Variants in SRGAP3 observed in about 807,000 individuals in gnomAD.
SRGAP3 encodes the protein SLIT-ROBO Rho GTPase activating protein 3.
Under a neutral mutation model 121.1 loss-of-function variants are expected in SRGAP3, and 39 were observed. The observed-to-expected ratio is 0.32, with a 90% CI of 0.25 to 0.42. The LOEUF is 0.42. SRGAP3 is among the 10% of genes least tolerant of loss of function. The pLI, the probability that SRGAP3 is intolerant of heterozygous loss-of-function variation, is 1.00. For missense variants in SRGAP3, 1,213 were observed against 1,470.6 expected, an observed-to-expected ratio of 0.82 and a Z score of 2.86; for synonymous variants, 601 against 570.0, an observed-to-expected ratio of 1.05 and a Z score of -0.77.
rs1452564912 is a variant in SRGAP3 at position 9,229,499 on chromosome 3, C to T, written c.67+19386G>A. On this transcript the variant is annotated intron_variant, in intron 1 of 21. Coordinates refer to ENST00000383836, the MANE Select transcript of SRGAP3 (RefSeq NM_014850.4). Reference sequence around the variant, plus strand: ...CTCCCTAGGCCAAAGGCGTTCTCCACGTGGAGAACAGCTCACCAGAATTCT... The same window carrying T: ...CTCCCTAGGCCAAAGGCGTTCTCCATGTGGAGAACAGCTCACCAGAATTCT... Among the ~76,000 whole-genome samples, 11 of 152,296 alleles carry T rather than the reference C, an allele frequency of 7.2e-5. No individual in the cohort carries two copies. The South Asian group carries it at 1.0e-3, about 14-fold the overall frequency.
intron 1 of SRGAP3, among the ~76,000 whole-genome samples, chr3:9,225,786 G>C (rs575001543): frequency 6.6e-6 from 1 of 152,294 alleles, no homozygotes; most frequent in African/African-American, 2.4e-5. Context: ...AGGTGACGCA[G>C]GCCAGGTAGG....
intron 18 of SRGAP3, chr3:9,007,946 C>A (rs1034698938): frequency 9.2e-5 from 14 of 152,174 alleles, no homozygotes; most frequent in Non-Finnish European, 1.9e-4. Flanking sequence ...CCAAAGAGTG[C>A]CCCTGATTCA....
chr3:9,283,870 C>T (rs1323749425), intron 3 of SRGAP3, among the ~76,000 whole-genome samples: 3 of 152,182 alleles, frequency 2.0e-5, no homozygotes, highest in East Asian at 3.8e-4. Flanking sequence ...CGATAGTACA[C>T]ATGGACACAA....
intron 1 of SRGAP3, among the ~76,000 whole-genome samples, chr3:9,204,875 C>T (rs1952207800): frequency 6.6e-6 from 1 of 152,256 alleles, no homozygotes; most frequent in African/African-American, 2.4e-5. Context: ...CTGAAAACCG[C>T]CCTTTGTGGA....
chr3:9,009,707 C>T (rs902109232), intron 18 of SRGAP3, among the ~76,000 whole-genome samples: 2 of 152,116 alleles, frequency 1.3e-5, no homozygotes, highest in African/African-American at 4.8e-5. Context: ...GTGGAGGAAT[C>T]TGGAGAAAGG....
At chr3:9,238,622 A>G (rs1953505703) in intron 1 of SRGAP3, among the ~76,000 whole-genome samples, 1 of 152,186 alleles carries the variant, frequency 6.6e-6, no homozygotes, top group African/African-American at 2.4e-5. Context: ...CATCCCGAAC[A>G]AGCCCGGGGA....
At chr3:9,005,930 G>A (rs988081892) in intron 18 of SRGAP3, among the ~76,000 whole-genome samples, 1 of 150,100 alleles carries the variant, frequency 6.7e-6, no homozygotes, top group Admixed American at 6.7e-5. Flanking sequence ...ATTGTGTGGT[G>A]TGTGATCTAT....
At chr3:8,992,822 C>G in intron 20 of SRGAP3, 84 bp downstream of exon 20, 1 of 1,610,632 alleles carries the variant, frequency 6.2e-7, no homozygotes, top group Non-Finnish European at 8.5e-7. Context: ...GGCTCCTTCT[C>G]TCCTCTCTGC....
rs760145287 is a variant in SRGAP3, at chr3:9,056,246, A to G, written c.1112T>C (p.Ile371Thr). The change falls in exon 8 of 22, where the codon ATA becomes ACA. Residue 371 changes from isoleucine to threonine, a missense_variant. By Grantham distance (89) the Ile-to-Thr change is moderately conservative (BLOSUM62 -1). This residue lies in a region of SRGAP3 where 793 missense variants were observed against 1,032.9 expected (regional missense o/e 0.77). Coordinates refer to ENST00000383836, the MANE Select transcript of SRGAP3 (RefSeq NM_014850.4). ...GGGCTCACTCACCTCCTCATTCTCT[A>G]TCTTGAGGGTGGCCAGTCTGGACTG... Reference protein sequence around the residue: ...QLQSRLATLKIENEEVRKTLD... With the variant: ...QLQSRLATLKTENEEVRKTLD... The G allele has an allele frequency of 3.5e-5, 57 of 1,613,954 alleles. No individual in the cohort carries two copies. The highest frequency in any genetic ancestry group is 4.1e-5 in the Non-Finnish European group (48 of 1,180,006).
intron 3 of SRGAP3, among the ~76,000 whole-genome samples, chr3:9,280,315 C>T (rs1559257598): frequency 6.6e-6 from 1 of 152,250 alleles, no homozygotes; most frequent in South Asian, 2.1e-4. Context: ...ATGTGTTGCA[C>T]ACTCAAGGTG....
intron 4 of SRGAP3, among the ~76,000 whole-genome samples, chr3:9,069,344 C>T (rs1180933547): frequency 6.6e-6 from 1 of 152,160 alleles, no homozygotes; most frequent in Non-Finnish European, 1.5e-5. Flanking sequence ...AAGTGACCAA[C>T]TGCCAGCAGC....
Position 9,249,578 on chromosome 3 carries a change from A to G in SRGAP3, c.-627T>C. The G allele has an allele frequency of 8.4e-6, 2 of 237,138 alleles. No homozygotes were observed. The allele number at this position is 237,138 out of a possible 1,614,324, so 14.7% of individuals were successfully genotyped here. On this transcript the variant is annotated 5_prime_UTR_variant, in exon 1 of 22. Coordinates refer to ENST00000383836, the MANE Select transcript of SRGAP3 (RefSeq NM_014850.4). Reference sequence around the variant, plus strand: ...CTGGTCTGATGTCCAGTGAGGATCAAAGCCAGGAGAGCGAGATGGAAGTTT... The same window carrying G: ...CTGGTCTGATGTCCAGTGAGGATCAGAGCCAGGAGAGCGAGATGGAAGTTT...
At chr3:9,297,786 C>T (rs575259002) in intron 3 of SRGAP3, among the ~76,000 whole-genome samples, 8 of 151,932 alleles carry the variant, frequency 5.3e-5, no homozygotes, top group Non-Finnish European at 1.2e-4. Context: ...GTCCCAGCTA[C>T]TCAGGAGGCT....
chr3:9,313,134 C>T (rs1413535841), intron 3 of SRGAP3, among the ~76,000 whole-genome samples: 1 of 152,160 alleles, frequency 6.6e-6, no homozygotes, highest in East Asian at 1.9e-4. Context: ...GTGCTTACTC[C>T]ACTCCTCCCA....
At chr3:9,351,823 C>T (rs2030181537) in intron 1 of SRGAP3, among the ~76,000 whole-genome samples, 1 of 152,112 alleles carries the variant, frequency 6.6e-6, no homozygotes, top group Non-Finnish European at 1.5e-5. Context: ...AGTTAACAGA[C>T]AAAATGGATT....
chr3:9,077,092 C>A (rs1947005650), intron 4 of SRGAP3, among the ~76,000 whole-genome samples: 1 of 152,042 alleles, frequency 6.6e-6, no homozygotes, highest in Non-Finnish European at 1.5e-5. Flanking sequence ...AGGTATATCT[C>A]GTAATGCTAT....
intron 3 of SRGAP3, among the ~76,000 whole-genome samples, chr3:9,271,582 C>G (rs1314472785): frequency 6.6e-6 from 1 of 152,202 alleles, no homozygotes; most frequent in African/African-American, 2.4e-5. Flanking sequence ...GCCACCCTCA[C>G]TCCCTCACAG....
chr3:9,111,392 G>T (rs1187573377), intron 2 of SRGAP3, among the ~76,000 whole-genome samples: 1 of 152,260 alleles, frequency 6.6e-6, no homozygotes, highest in African/African-American at 2.4e-5. Flanking sequence ...GCTGGCGGGA[G>T]AAGGCTCTAG....
At chr3:9,203,326 G>A (rs1023032886) in intron 1 of SRGAP3, among the ~76,000 whole-genome samples, 7 of 152,134 alleles carry the variant, frequency 4.6e-5, no homozygotes, top group African/African-American at 1.7e-4. Flanking sequence ...TTAGGTGCTG[G>A]GCACCCTGGG....
Sources: gnomAD v4.1 joint callset for allele counts (sites outside exome capture counted in the v4.1 genomes callset) on GRCh38, gnomAD v4.1.1 for gene constraint, gnomAD v4.1.1 regional missense constraint, MANE v1.5 for transcripts, NCBI Gene and HGNC (gene_info 2026-07-23, HGNC 2026-07-21) for gene names.